Variants in ARL15 observed in about 807,000 individuals in gnomAD.
ARL15 encodes the protein ARF like GTPase 15, also known as ADP-ribosylation factor-like protein 15.
A neutral mutation model predicts 25.2 loss-of-function variants in ARL15; 19 were observed. That is an observed-to-expected ratio of 0.75 (90% CI 0.53 to 1.10). The LOEUF is 1.10. ARL15 is among the 50% of genes least tolerant of loss of function. ARL15 has a pLI of 0.00. For missense variants in ARL15, 220 were observed against 246.0 expected (o/e 0.89, Z 0.71); for synonymous variants, 94 against 86.8 (o/e 1.08, Z -0.46).
chr5:54,181,846 T>A (rs1035164437), intron 1 of ARL15, among the ~76,000 whole-genome samples: 1 of 151,358 alleles, frequency 6.6e-6, no homozygotes, highest in Non-Finnish European at 1.5e-5. Context: ...CCATTCTAAC[T>A]GGTGTGAGAT....
chr5:53,955,776 C>T (rs992794439), intron 4 of ARL15, among the ~76,000 whole-genome samples: 1 of 152,134 alleles, frequency 6.6e-6, no homozygotes, highest in Non-Finnish European at 1.5e-5. Context: ...CAGTGTGGGA[C>T]CCTGGCGCCT....
intron 4 of ARL15, among the ~76,000 whole-genome samples, chr5:54,005,352 C>T (rs1448271953): frequency 6.6e-6 from 1 of 152,172 alleles, no homozygotes; most frequent in African/African-American, 2.4e-5. Context: ...TTCACAGGAT[C>T]CAGTCTGTCC....
chr5:54,285,256 A>T, intron 1 of ARL15: 2 of 529,076 alleles, frequency 3.8e-6, no homozygotes, highest in Non-Finnish European at 4.8e-6. Flanking sequence ...CAGATTGGTT[A>T]CAATCTGTTT....
In ARL15 at chr5:54,035,680, C is replaced by G. The variant is rs942793767; in HGVS notation, c.462+77522G>C. On this transcript the variant is annotated intron_variant, in intron 4 of 4. Coordinates refer to ENST00000504924, the MANE Select transcript of ARL15 (RefSeq NM_019087.3). ...CTTAAGATAATGTAATGATAAAGCCCACTTTTAAATATGAGAGCTATTTCC... is the reference window on the plus strand; with the variant it reads ...CTTAAGATAATGTAATGATAAAGCCGACTTTTAAATATGAGAGCTATTTCC... 2.6e-5 allele frequency among the ~76,000 whole-genome samples: 4 copies of G among 152,166 alleles called. No individual in the cohort carries two copies. The East Asian group carries it at 7.7e-4, about 29-fold the overall frequency.
At chr5:54,279,378 G>GGT (rs1757999263) in intron 1 of ARL15, among the ~76,000 whole-genome samples, 2 of 152,058 alleles carry the variant, frequency 1.3e-5, no homozygotes, top group African/African-American at 4.8e-5. Context: ...CAGGGTGCCG[G>GGT]CATGGTCAGT....
intron 1 of ARL15, among the ~76,000 whole-genome samples, chr5:54,176,488 C>A (rs2112415619): frequency 6.6e-6 from 1 of 152,270 alleles, no homozygotes; most frequent in Middle Eastern, 3.4e-3. Context: ...CTCATTTTGG[C>A]CTCTAGACTA....
intron 4 of ARL15, among the ~76,000 whole-genome samples, chr5:53,891,433 T>C (rs1744704691): frequency 6.6e-6 from 1 of 152,190 alleles, no homozygotes; most frequent in Non-Finnish European, 1.5e-5. Context: ...CTAGTTCTAC[T>C]GAGTTAGATG....
At chr5:54,077,555 C>T (rs565930332) in intron 4 of ARL15, among the ~76,000 whole-genome samples, 8 of 152,198 alleles carry the variant, frequency 5.3e-5, no homozygotes, top group East Asian at 1.9e-4. Flanking sequence ...AGCCATTATA[C>T]GGGGAAACAT....
intron 4 of ARL15, among the ~76,000 whole-genome samples, chr5:53,977,106 C>G (rs1399562482): frequency 6.6e-6 from 1 of 152,150 alleles, no homozygotes; most frequent in Non-Finnish European, 1.5e-5. Context: ...CGCCTGTAAT[C>G]CCAGCACTTT....
intron 1 of ARL15, among the ~76,000 whole-genome samples, chr5:54,247,305 ATAGT>A: frequency 6.6e-6 from 1 of 152,174 alleles, no homozygotes; most frequent in East Asian, 1.9e-4. Flanking sequence ...TTAAGATTGA[ATAGT>A]TATTTATGTC....
intron 4 of ARL15, among the ~76,000 whole-genome samples, chr5:54,061,272 A>G (rs142079983): frequency 0.015 from 2,298 of 152,296 alleles, 22 homozygotes; most frequent in Admixed American, 0.021. Flanking sequence ...AAGCCTTCAC[A>G]GCTTCCATGT....
At chr5:53,919,254 G>C (rs1745764532) in intron 4 of ARL15, among the ~76,000 whole-genome samples, 1 of 152,198 alleles carries the variant, frequency 6.6e-6, no homozygotes, top group Non-Finnish European at 1.5e-5. Flanking sequence ...AATATACTGA[G>C]TGGTAAATAG....
intron 4 of ARL15, among the ~76,000 whole-genome samples, chr5:53,936,318 G>A (rs898836579): frequency 2.6e-5 from 4 of 152,106 alleles, no homozygotes; most frequent in African/African-American, 4.8e-5. Flanking sequence ...GATTTTGCCC[G>A]CCTCACAGTT....
intron 1 of ARL15, among the ~76,000 whole-genome samples, chr5:54,184,439 T>TAAAA (rs527755025): frequency 1.0e-4 from 7 of 69,114 alleles, no homozygotes; most frequent in South Asian, 7.5e-4. Context: ...ACACTGTCTT[T>TAAAA]AAAAAAAAAA....
intron 1 of ARL15, among the ~76,000 whole-genome samples, chr5:54,192,253 T>G (rs1285529719): frequency 1.4e-5 from 2 of 147,626 alleles, no homozygotes; most frequent in African/African-American, 5.1e-5. Flanking sequence ...CCCTAAAACT[T>G]AAAGTATAAG....
chr5:54,082,107 A>AGGAGGGAG lies in ARL15; in HGVS notation c.462+31087_462+31094dup, dbSNP rs143494582. Among the ~76,000 whole-genome samples, 67 of 135,626 alleles carry AGGAGGGAG rather than the reference A, an allele frequency of 4.9e-4. 1 individual carries two copies. Among genetic ancestry groups the AGGAGGGAG allele is most frequent in the Admixed American group, 9.8e-4 (13 of 13,320 alleles). The allele number at this position is 135,626 out of a possible 152,430, so 89.0% of individuals were successfully genotyped here. On this transcript the variant is annotated intron_variant, in intron 4 of 4. Coordinates refer to ENST00000504924, the MANE Select transcript of ARL15 (RefSeq NM_019087.3). Reference sequence around the variant, plus strand: ...AGAAAGGAAGGAAGGAAAGAAGGAAAGGAGGGAGGGAGACAAATACAAATC... The same window carrying AGGAGGGAG: ...AGAAAGGAAGGAAGGAAAGAAGGAAAGGAGGGAGGGAGGGAGGGAGACAAATACAAATC...
At chr5:54,121,087 T>A (rs978009768) in intron 3 of ARL15, among the ~76,000 whole-genome samples, 1 of 152,172 alleles carries the variant, frequency 6.6e-6, no homozygotes, top group Non-Finnish European at 1.5e-5. Context: ...TAGAGTCACA[T>A]ACTATAAGCC....
intron 3 of ARL15, among the ~76,000 whole-genome samples, chr5:54,150,111 G>GTTTATGCAGGAACAGTGCTTGT (rs1754026072): frequency 1.3e-5 from 2 of 152,308 alleles, no homozygotes; most frequent in African/African-American, 4.8e-5. Flanking sequence ...CTCTTACTTG[G>GTTTATGCAGGAACAGTGCTTGT]TTTATGCAGG....
At chr5:53,972,553 G>A (rs1321232925) in intron 4 of ARL15, among the ~76,000 whole-genome samples, 3 of 152,024 alleles carry the variant, frequency 2.0e-5, no homozygotes, top group Non-Finnish European at 2.9e-5. Flanking sequence ...GTTGCACCAG[G>A]TAACATTTGT....
Sources: gnomAD v4.1 joint callset for allele counts (sites outside exome capture counted in the v4.1 genomes callset) on GRCh38, gnomAD v4.1.1 for gene constraint, MANE v1.5 for transcripts, NCBI Gene and HGNC (gene_info 2026-07-23, HGNC 2026-07-21) for gene names.